CELSR1: variants seen among roughly 807,000 people sequenced by gnomAD.
CELSR1 encodes cadherin EGF LAG seven-pass G-type receptor 1.
In CELSR1, 110 loss-of-function variants were observed where a neutral mutation model predicts 249.1. The ratio of observed to expected loss-of-function variants is 0.44; its 90% CI spans 0.38 to 0.52. CELSR1 has a LOEUF of 0.52. Ranked by LOEUF, CELSR1 falls within the 20% of genes least tolerant of loss-of-function variation. The pLI is 0.00. For synonymous variants in CELSR1, 2,113 were observed against 1,900.0 expected (o/e 1.11, Z -2.92); for missense variants, 4,109 against 4,296.4 (o/e 0.96, Z 1.22).
intron 5 of CELSR1, among the ~76,000 whole-genome samples, chr22:46,415,190 C>T (rs1193472244): frequency 1.3e-5 from 2 of 152,186 alleles, no homozygotes; most frequent in African/African-American, 4.8e-5. Context: ...CGCTCTGTCA[C>T]CCAGGCTGGA....
chr22:46,380,274 C>T lies in CELSR1; in HGVS notation c.7256+514G>A, dbSNP rs985004689. On this transcript the variant is annotated intron_variant, in intron 22 of 34. Coordinates refer to ENST00000674500, the MANE Select transcript of CELSR1 (RefSeq NM_001378328.1). The surrounding 1 kb of genome is among the most constrained non-coding windows in gnomAD (Gnocchi z 5.1). ...TGACTCTCTGACGCTGCTTCTGAAA[C>T]GGGCCAGATAAACTGTGCTGCGGCC... Among the ~76,000 whole-genome samples the T allele has an allele frequency of 3.3e-5, 5 of 152,218 alleles. No homozygotes were observed. Among genetic ancestry groups the T allele is most frequent in the South Asian group, 2.1e-4 (1 of 4,828 alleles).
rs1174919357 is a variant in CELSR1, at chr22:46,399,059, G to A, written c.5413-422C>T. ...CTGAGATCCAGTCCCAGAAAGGCAG[G>A]TGCCTGGAACACACCTATTTACTCC... is the stretch of plus-strand genomic sequence containing the variant. On this transcript the variant is annotated intron_variant, in intron 10 of 34. Coordinates refer to ENST00000674500, the MANE Select transcript of CELSR1 (RefSeq NM_001378328.1). This position sits in a 1 kb window ranked among gnomAD's most constrained non-coding sequence, Gnocchi z 5.0. 6.6e-6 allele frequency among the ~76,000 whole-genome samples: 1 copy of A among 152,192 alleles called. No individual in the cohort carries two copies. Among genetic ancestry groups the A allele is most frequent in the Non-Finnish European group, 1.5e-5 (1 of 68,022 alleles).
In CELSR1 at chr22:46,454,905, C is replaced by T. The variant is rs180786999; in HGVS notation, c.4183+8802G>A. On this transcript the variant is annotated intron_variant, in intron 2 of 34. Transcript: ENST00000674500. The surrounding 1 kb of genome is among the most constrained non-coding windows in gnomAD (Gnocchi z 5.1). ...CGCTCAGTTACGAACTCCCAGTACC[C>T]TTGAAAGTGACCTTGTTTGGAAATA... 6.6e-6 allele frequency among the ~76,000 whole-genome samples: 1 copy of T among 152,330 alleles called. No homozygotes were observed. The highest frequency in any genetic ancestry group is 2.4e-5 in the African/African-American group (1 of 41,570).
intron 5 of CELSR1, among the ~76,000 whole-genome samples, chr22:46,414,416 G>A (rs908667731): frequency 6.6e-5 from 10 of 152,270 alleles, no homozygotes; most frequent in Non-Finnish European, 1.3e-4. Context: ...CTGCTCGGAG[G>A]AGAAATCACA....
At position 46,408,716 on chromosome 22, in the gene CELSR1, C is replaced by T. The variant is rs112324794; in HGVS notation, c.5226+280G>A. 1.3e-5 allele frequency among the ~76,000 whole-genome samples: 2 copies of T among 152,224 alleles called. No homozygotes were observed. Among genetic ancestry groups the T allele is most frequent in the Admixed American group, 6.5e-5 (1 of 15,284 alleles). On this transcript the variant is annotated intron_variant, in intron 9 of 34. Coordinates refer to ENST00000674500, the MANE Select transcript of CELSR1 (RefSeq NM_001378328.1). This position sits in a 1 kb window ranked among gnomAD's most constrained non-coding sequence, Gnocchi z 4.6. ...ACCTCCCTCAGTTCTGCAATGCCCA[C>T]GCTCCAGCCAAACCCTCAGGCTAGA...
chr22:46,391,616 C>A lies in CELSR1; in HGVS notation c.6148+17G>T. 2 of 1,575,790 alleles carry A rather than the reference C, an allele frequency of 1.3e-6. No individual in the cohort carries two copies. Among genetic ancestry groups the A allele is most frequent in the South Asian group, 1.1e-5 (1 of 86,980 alleles). On this transcript the variant is annotated intron_variant, in intron 15 of 34. Transcript: ENST00000674500. This position sits in a 1 kb window ranked among gnomAD's most constrained non-coding sequence, Gnocchi z 4.3. ...CCCCGCGCTGTAACCTGCAGGGTGT[C>A]GAGGGGCAACGCGGACCTTCACAGC...
chr22:46,530,808 C>T (rs900869515), intron 1 of CELSR1, among the ~76,000 whole-genome samples: 26 of 152,206 alleles, frequency 1.7e-4, no homozygotes, highest in African/African-American at 6.0e-4. Flanking sequence ...CCCTCCGATG[C>T]GCTCCTCCCT....
rs767375277 is a variant in CELSR1 at position 46,436,157 on chromosome 22, T to C, written c.4522+17A>G. 4 of 1,605,908 alleles carry C rather than the reference T, an allele frequency of 2.5e-6. No individual in the cohort carries two copies. In the South Asian group the frequency reaches 3.3e-5, roughly 13 times the overall value. ...GTGAATTGCTCAGAGCTGCCCTTCC[T>C]GGGGAGAAGGCCCCACCTGCAGAGA... On this transcript the variant is annotated intron_variant, in intron 4 of 34. Transcript: ENST00000674500. This position sits in a 1 kb window ranked among gnomAD's most constrained non-coding sequence, Gnocchi z 5.9.
At position 46,363,365 on chromosome 22, in the gene CELSR1, TG is replaced by T; in HGVS notation, c.9036-119del. ...ACCCCATCAGGGTAGAGGGGGCGTC[TG>T]GGGGCTCCAGGGAGGGCAAGCTCAT... On this transcript the variant is annotated intron_variant, in intron 34 of 34. Transcript: ENST00000674500. The surrounding 1 kb of genome is among the most constrained non-coding windows in gnomAD (Gnocchi z 4.3). 1 of 708,390 alleles carries T rather than the reference TG, an allele frequency of 1.4e-6. No homozygotes were observed. Among genetic ancestry groups the T allele is most frequent in the Non-Finnish European group, 2.3e-6 (1 of 443,952 alleles). The allele number at this position is 708,390 out of a possible 1,614,324, so 43.9% of individuals were successfully genotyped here.
At position 46,430,112 on chromosome 22, in the gene CELSR1, G is replaced by A. The variant is rs9616006; in HGVS notation, c.4611+3281C>T. On this transcript the variant is annotated intron_variant, in intron 5 of 34. Transcript: ENST00000674500. The surrounding 1 kb of genome is among the most constrained non-coding windows in gnomAD (Gnocchi z 4.6). The stretch of plus-strand genomic sequence containing the variant: ...GAGGCCACTCTGACAGGCAACACCC[G>A]GGAGATCATGCTCAGATCTAAAATG... Among the ~76,000 whole-genome samples the A allele has an allele frequency of 0.036, 5,503 of 152,232 alleles. 132 individuals carry two copies. The highest frequency in any genetic ancestry group is 0.042 in the African/African-American group (1,759 of 41,550).
chr22:46,537,188 CGAGCCG>C lies in CELSR1; in HGVS notation c.-24_-19del. ...GGCGCCATGGCCCGGAGCCCGAGCC[CGAGCCG>C]GGCGCCCGAACACAATCCATGCACC... On this transcript the variant is annotated 5_prime_UTR_variant, in exon 1 of 35. Transcript: ENST00000674500. The surrounding 1 kb of genome is among the most constrained non-coding windows in gnomAD (Gnocchi z 5.8). The C allele has an allele frequency of 2.9e-6, 3 of 1,019,892 alleles. No homozygotes were observed. Among genetic ancestry groups the C allele is most frequent in the Non-Finnish European group, 3.5e-6 (3 of 854,292 alleles). 63.2% of individuals were successfully genotyped at this position (1,019,892 alleles called of 1,614,324 possible).
chr22:46,525,373 CA>C (rs1476214916), intron 1 of CELSR1, among the ~76,000 whole-genome samples: 1 of 151,226 alleles, frequency 6.6e-6, no homozygotes. Context: ...CGCTTGAACC[CA>C]GGGGACAGAG....
chr22:46,381,666 C>A lies in CELSR1; in HGVS notation c.7088+180G>T, dbSNP rs2078979008. 6.6e-6 allele frequency among the ~76,000 whole-genome samples: 1 copy of A among 152,208 alleles called. No homozygotes were observed. Among genetic ancestry groups the A allele is most frequent in the Non-Finnish European group, 1.5e-5 (1 of 68,030 alleles). On this transcript the variant is annotated intron_variant, in intron 21 of 34. Coordinates refer to ENST00000674500, the MANE Select transcript of CELSR1 (RefSeq NM_001378328.1). This position sits in a 1 kb window ranked among gnomAD's most constrained non-coding sequence, Gnocchi z 6.0. ...TGTTCCAGGGTGTGGTATCCTGTGG[C>A]AGACCCAGAATCTCCCTCCAAGGAC...
chr22:46,367,927 T>G, intron 27 of CELSR1, 72 bp from the exon 28 acceptor site: 1 of 1,498,888 alleles, frequency 6.7e-7, no homozygotes. Flanking sequence ...TCTCTGCACG[T>G]CCACCTGTCC....
intron 1 of CELSR1, among the ~76,000 whole-genome samples, chr22:46,522,667 G>A (rs1440171168): frequency 1.3e-5 from 2 of 152,224 alleles, no homozygotes; most frequent in Non-Finnish European, 2.9e-5. Context: ...ACATGGGCAA[G>A]AAAAAGGAGG....
At chr22:46,367,950 G>T in intron 27 of CELSR1, 95 bp from the exon 28 acceptor site, 1 of 1,452,980 alleles carries the variant, frequency 6.9e-7, no homozygotes, top group Non-Finnish European at 9.2e-7. Flanking sequence ...CTGCCTGCCC[G>T]TCCGCCCATC....
At chr22:46,424,240 T>G (rs1373983536) in intron 5 of CELSR1, among the ~76,000 whole-genome samples, 1 of 151,486 alleles carries the variant, frequency 6.6e-6, no homozygotes, top group Admixed American at 6.6e-5. Context: ...GCTAATTTTT[T>G]TTTTTTTACT....
chr22:46,456,484 C>G (rs2079951825), intron 2 of CELSR1, among the ~76,000 whole-genome samples: 1 of 151,792 alleles, frequency 6.6e-6, no homozygotes, highest in Admixed American at 6.6e-5. Context: ...AAGGTGACAC[C>G]CCGTCTCTAC....
chr22:46,410,341 C>G lies in CELSR1; in HGVS notation c.4933+57G>C. On this transcript the variant is annotated intron_variant, in intron 7 of 34. Transcript: ENST00000674500. This position sits in a 1 kb window ranked among gnomAD's most constrained non-coding sequence, Gnocchi z 6.8. ...GCAAGCAGTGACCTCTGTGTGGCTG[C>G]CGACGTCCAGCCAGATGCCACTGCG... 6.3e-7 allele frequency: 1 copy of G among 1,583,146 alleles called. No individual in the cohort carries two copies.
Sources: allele counts gnomAD v4.1 joint callset (sites outside exome capture counted in the v4.1 genomes callset), GRCh38; gene constraint gnomAD v4.1.1; non-coding constraint Gnocchi (gnomAD v3.1); transcripts MANE v1.5; gene names NCBI Gene and HGNC (gene_info 2026-07-23, HGNC 2026-07-21).